The following NOS1 variants were observed in gnomAD, a reference collection of about 807,000 sequenced individuals.
NOS1 encodes the protein NOS type I.
NOS1 carries 51 observed loss-of-function variants against 164.5 expected under a neutral mutation model. The observed-to-expected ratio is 0.31, with a 90% CI of 0.25 to 0.39. The LOEUF (loss-of-function observed/expected upper bound fraction) is 0.39. Ranked by LOEUF, NOS1 falls within the 10% of genes least tolerant of loss-of-function variation. The pLI is 1.00. For missense variants in NOS1, 1,362 were observed against 1,885.6 expected (o/e 0.72, Z 5.14); for synonymous variants, 719 against 745.8 (o/e 0.96, Z 0.59).
intron 1 of NOS1, among the ~76,000 whole-genome samples, chr12:117,346,174 C>T (rs1401880750): frequency 1.2e-4 from 19 of 152,220 alleles, no homozygotes; most frequent in Non-Finnish European, 4.4e-5. Flanking sequence ...ACTTGGTTAA[C>T]AAAACTTGGA....
intron 3 of NOS1, chr12:117,305,159 T>A: frequency 1.2e-6 from 1 of 821,222 alleles, no homozygotes; most frequent in Non-Finnish European, 1.5e-6. Context: ...GGGTTACAAC[T>A]GGAAGGATAG....
Position 117,212,491 on chromosome 12 carries a change from G to C in NOS1, c.*2818C>G. The C allele has an allele frequency of 1.0e-6, 1 of 985,334 alleles. No individual in the cohort carries two copies. The highest frequency in any genetic ancestry group is 6.2e-5 in the Admixed American group (1 of 16,260). The allele number at this position is 985,334 out of a possible 1,614,324, so 61.0% of individuals were successfully genotyped here. A position where few individuals can be genotyped will look rare whatever the true frequency, so the allele number is the denominator to read the frequency against. ...TAACATCATCTCTCTGCTCTTTCAC[G>C]ACACAAGCTGTGGGAACTGGATGCA... On this transcript the variant is annotated 3_prime_UTR_variant, in exon 29 of 29. Transcript: ENST00000317775.
intron 1 of NOS1, among the ~76,000 whole-genome samples, chr12:117,340,806 C>T (rs540432348): frequency 6.6e-6 from 1 of 151,840 alleles, no homozygotes; most frequent in East Asian, 1.9e-4. Flanking sequence ...TTACTGCAAC[C>T]TCTGCCTCCC....
intron 1 of NOS1, among the ~76,000 whole-genome samples, chr12:117,342,073 A>T (rs1445799263): frequency 6.6e-6 from 1 of 152,174 alleles, no homozygotes; most frequent in Admixed American, 6.5e-5. Flanking sequence ...ATAAGATGGC[A>T]CATATTTTCT....
At chr12:117,335,008 CA>C (rs1875736797) in intron 1 of NOS1, among the ~76,000 whole-genome samples, 1 of 152,140 alleles carries the variant, frequency 6.6e-6, no homozygotes, top group Non-Finnish European at 1.5e-5. Context: ...ACCTCAGTTC[CA>C]AAATGCGGTC....
chr12:117,301,850 T>G (rs937357459), intron 3 of NOS1, among the ~76,000 whole-genome samples: 16 of 152,180 alleles, frequency 1.1e-4, no homozygotes, highest in African/African-American at 3.9e-4. Context: ...ATCTGTAAAA[T>G]GGGCACAGTG....
At position 117,264,833 on chromosome 12, in the gene NOS1, T is replaced by G. The variant is rs941852092; in HGVS notation, c.2136+483A>C. Among the ~76,000 whole-genome samples, 5 of 151,738 alleles carry G rather than the reference T, an allele frequency of 3.3e-5. No homozygotes were observed. The South Asian group carries it at 1.0e-3, about 32-fold the overall frequency. On this transcript the variant is annotated intron_variant, in intron 12 of 28. Transcript: ENST00000317775. The stretch of plus-strand genomic sequence containing the variant: ...CTCCTGGGTTCAAGCGATTCTCTTA[T>G]CTTGGCCTCTTGAGCAGCTGGCATA...
chr12:117,210,160 T>A lies in NOS1; in HGVS notation c.*5149A>T. ...GCTAATTTTTTTTTTTTTTTTTTTTTAGTAGAGACGAGATTGCGCTGTGTT... is the reference window on the plus strand; with the variant it reads ...GCTAATTTTTTTTTTTTTTTTTTTTAAGTAGAGACGAGATTGCGCTGTGTT... On this transcript the variant is annotated 3_prime_UTR_variant, in exon 29 of 29. Transcript: ENST00000317775. 2.4e-6 allele frequency: 1 copy of A among 408,850 alleles called. No individual in the cohort carries two copies. Among genetic ancestry groups the A allele is most frequent in the Non-Finnish European group, 3.1e-6 (1 of 322,328 alleles). 25.3% of individuals were successfully genotyped at this position (408,850 alleles called of 1,614,324 possible). A position where few individuals can be genotyped will look rare whatever the true frequency, so the allele number is the denominator to read the frequency against.
At position 117,272,699 on chromosome 12, in the gene NOS1, C is replaced by T; in HGVS notation, c.1665-140G>A. 1 of 748,730 alleles carries T rather than the reference C, an allele frequency of 1.3e-6. No individual in the cohort carries two copies. The highest frequency in any genetic ancestry group is 2.1e-6 in the Non-Finnish European group (1 of 469,308). The allele number at this position is 748,730 out of a possible 1,614,324, so 46.4% of individuals were successfully genotyped here. A position where few individuals can be genotyped will look rare whatever the true frequency, so the allele number is the denominator to read the frequency against. ...ATGGTTCCTGGGCCCTGCTTCAGAT[C>T]TGTGGAATTGCAGGTTCTGCAGCTG... On this transcript the variant is annotated intron_variant, in intron 9 of 28. Coordinates refer to ENST00000317775, the MANE Select transcript of NOS1 (RefSeq NM_000620.5). The surrounding 1 kb of genome is among the most constrained non-coding windows in gnomAD (Gnocchi z 4.3).
intron 22 of NOS1, among the ~76,000 whole-genome samples, chr12:117,229,936 T>C (rs138048606): frequency 2.6e-5 from 4 of 151,846 alleles, no homozygotes; most frequent in African/African-American, 7.3e-5. Context: ...TATTTACTTA[T>C]AGAGATGGGG....
At chr12:117,302,809 G>C (rs975848826) in intron 3 of NOS1, among the ~76,000 whole-genome samples, 6 of 151,798 alleles carry the variant, frequency 4.0e-5, no homozygotes, top group Non-Finnish European at 8.8e-5. Flanking sequence ...GCAGTGGCAC[G>C]ATCTCAGCTC....
chr12:117,348,729 C>A (rs1876477319), intron 1 of NOS1, among the ~76,000 whole-genome samples: 1 of 152,102 alleles, frequency 6.6e-6, no homozygotes, highest in Non-Finnish European at 1.5e-5. Context: ...ACACATGGAA[C>A]AAATTCACAC....
chr12:117,213,436 A>G lies in NOS1; in HGVS notation c.*1873T>C. On this transcript the variant is annotated 3_prime_UTR_variant, in exon 29 of 29. Coordinates refer to ENST00000317775, the MANE Select transcript of NOS1 (RefSeq NM_000620.5). Reference sequence around the variant, plus strand: ...AGCAGGGGAAATTGGGATTAAAGGAAGGCAGGGGAGATTATAGCTGGCATG... The same window carrying G: ...AGCAGGGGAAATTGGGATTAAAGGAGGGCAGGGGAGATTATAGCTGGCATG... The G allele has an allele frequency of 1.0e-6, 1 of 985,486 alleles. No homozygotes were observed. Among genetic ancestry groups the G allele is most frequent in the Non-Finnish European group, 1.2e-6 (1 of 829,988 alleles). 61.0% of individuals were successfully genotyped at this position (985,486 alleles called of 1,614,324 possible).
In NOS1 at chr12:117,330,321, C is replaced by CAT; in HGVS notation, c.725+23_725+24insAT. ...GCATGCACACACACACACACACACA[C>CAT]ACACACACCCCTGTGGAGCTTACCT... is the stretch of plus-strand genomic sequence containing the variant. On this transcript the variant is annotated intron_variant, in intron 2 of 28. Transcript: ENST00000317775. This position sits in a 1 kb window ranked among gnomAD's most constrained non-coding sequence, Gnocchi z 4.6. 1.3e-6 allele frequency: 2 copies of CAT among 1,594,022 alleles called. No homozygotes were observed. Among genetic ancestry groups the CAT allele is most frequent in the Non-Finnish European group, 1.7e-6 (2 of 1,169,032 alleles).
chr12:117,218,362 G>A (rs549009397), intron 27 of NOS1, among the ~76,000 whole-genome samples, 198 bp from the exon 28 acceptor site: 5 of 152,206 alleles, frequency 3.3e-5, no homozygotes, highest in Non-Finnish European at 5.9e-5. Flanking sequence ...GGGACGTGGG[G>A]CAACTGTTCT....
intron 2 of NOS1, among the ~76,000 whole-genome samples, chr12:117,322,123 T>G (rs1413100292): frequency 1.5e-5 from 2 of 129,256 alleles, no homozygotes; most frequent in Non-Finnish European, 3.3e-5. Flanking sequence ...CTTCCCCTTT[T>G]CCTTCCTTCC....
At chr12:117,306,243 T>C (rs1008809317) in intron 3 of NOS1, among the ~76,000 whole-genome samples, 1 of 152,132 alleles carries the variant, frequency 6.6e-6, no homozygotes, top group Admixed American at 6.6e-5. Context: ...TTACTTCACC[T>C]TGGAAGATTC....
intron 3 of NOS1, among the ~76,000 whole-genome samples, chr12:117,308,095 A>C (rs1309801352): frequency 6.6e-6 from 1 of 152,148 alleles, no homozygotes; most frequent in East Asian, 1.9e-4. Context: ...TATAAATGAC[A>C]ATGGACACTG....
rs747566905 is a variant in NOS1 at position 117,286,299 on chromosome 12, C to T, written c.1128-33G>A. The T allele has an allele frequency of 1.5e-4, 248 of 1,609,854 alleles. 1 individual carries two copies. The highest frequency in any genetic ancestry group is 1.7e-6 in the Non-Finnish European group (2 of 1,177,018). On this transcript the variant is annotated intron_variant, in intron 5 of 28. Coordinates refer to ENST00000317775, the MANE Select transcript of NOS1 (RefSeq NM_000620.5). Reference sequence around the variant, plus strand: ...AAGAGGAAGGGACATGGGAACATCACCCCCTCTTCTGAATTAGAAGTTAGT... The same window carrying T: ...AAGAGGAAGGGACATGGGAACATCATCCCCTCTTCTGAATTAGAAGTTAGT...
Sources: gnomAD v4.1 joint callset for allele counts (sites outside exome capture counted in the v4.1 genomes callset) on GRCh38, gnomAD v4.1.1 for gene constraint, Gnocchi (gnomAD v3.1) non-coding constraint, MANE v1.5 for transcripts, NCBI Gene and HGNC (gene_info 2026-07-23, HGNC 2026-07-21) for gene names.